The following BCL2 variants were observed in gnomAD, a reference collection of about 807,000 sequenced individuals.
The protein encoded by BCL2 is apoptosis regulator Bcl-2.
BCL2 carries 1 observed loss-of-function variant against 14.2 expected under a neutral mutation model. The observed-to-expected ratio is 0.07, with a 90% CI of 0.02 to 0.33. The LOEUF (loss-of-function observed/expected upper bound fraction) is 0.33, where lower values mean the gene tolerates loss of function less well. Among genes scored for constraint, BCL2 ranks in the 10% least tolerant of loss-of-function variants. BCL2 has a pLI of 0.99. For missense variants in BCL2, 247 were observed against 305.9 expected, an observed-to-expected ratio of 0.81 and a Z score of 1.44; for synonymous variants, 151 against 137.2, an observed-to-expected ratio of 1.10 and a Z score of -0.70.
At chr18:63,146,028 C>A (rs1326776275) in intron 2 of BCL2, among the ~76,000 whole-genome samples, 2 of 152,168 alleles carry the variant, frequency 1.3e-5, no homozygotes, top group Non-Finnish European at 2.9e-5. Context: ...TCCCAAATCC[C>A]TTTTCCCTGC....
intron 2 of BCL2, among the ~76,000 whole-genome samples, chr18:63,176,954 T>A (rs1260048679): frequency 6.6e-6 from 1 of 150,930 alleles, no homozygotes; most frequent in Non-Finnish European, 1.5e-5. Flanking sequence ...CTCACTCCCA[T>A]CTTCTGGGCT....
At chr18:63,235,923 A>C (rs1910817604) in intron 2 of BCL2, among the ~76,000 whole-genome samples, 1 of 152,086 alleles carries the variant, frequency 6.6e-6, no homozygotes, top group South Asian at 2.1e-4. Flanking sequence ...GATATCATGG[A>C]GTTTGTGTTC....
chr18:63,155,922 C>G (rs919435787), intron 2 of BCL2, among the ~76,000 whole-genome samples: 1 of 152,100 alleles, frequency 6.6e-6, no homozygotes, highest in Non-Finnish European at 1.5e-5. Flanking sequence ...GACCCTTCCC[C>G]GCCTCCCCAG....
rs970049963 is a variant in BCL2, at chr18:63,124,389, G to A, written c.*4236C>T. On this transcript the variant is annotated 3_prime_UTR_variant, in exon 3 of 3. Coordinates refer to ENST00000333681, the MANE Select transcript of BCL2 (RefSeq NM_000633.3). ...AATTTATACCATTGCACTGCCAAAC[G>A]GAGCTGCACTTTGAGCCATGCTGAT... is the stretch of plus-strand genomic sequence containing the variant. The A allele has an allele frequency of 2.2e-5, 5 of 231,148 alleles. No individual in the cohort carries two copies. Among genetic ancestry groups the A allele is most frequent in the East Asian group, 6.1e-5 (1 of 16,428 alleles). The allele number at this position is 231,148 out of a possible 1,614,324, so 14.3% of individuals were successfully genotyped here.
rs1287650958 is a variant in BCL2, at chr18:63,128,889, GGCAAAT to G, written c.586-136_586-131del. 10 of 582,732 alleles carry G rather than the reference GGCAAAT, an allele frequency of 1.7e-5. 1 individual carries two copies. The highest frequency in any genetic ancestry group is 1.7e-4 in the South Asian group (7 of 41,754). 36.1% of individuals were successfully genotyped at this position (582,732 alleles called of 1,614,324 possible). Reference sequence around the variant, plus strand: ...CCTTCAGAAGGGTGAGAGGGGAAAAGGCAAATGCTCTTTGGAGGCCATGATTCAGAA... The same window carrying G: ...CCTTCAGAAGGGTGAGAGGGGAAAAGGCTCTTTGGAGGCCATGATTCAGAA... On this transcript the variant is annotated intron_variant, in intron 2 of 2. Transcript: ENST00000333681.
intron 2 of BCL2, among the ~76,000 whole-genome samples, chr18:63,233,337 G>A (rs982802641): frequency 6.6e-6 from 1 of 152,162 alleles, no homozygotes; most frequent in Non-Finnish European, 1.5e-5. Context: ...AAGTGATAAA[G>A]CAAGTTCCAG....
intron 2 of BCL2, among the ~76,000 whole-genome samples, chr18:63,246,699 T>C (rs1911160615): frequency 6.6e-6 from 1 of 152,190 alleles, no homozygotes; most frequent in South Asian, 2.1e-4. Context: ...ACACCCTACG[T>C]TATCCATTTT....
chr18:63,272,013 C>T (rs1022933322), intron 2 of BCL2, among the ~76,000 whole-genome samples: 1 of 152,178 alleles, frequency 6.6e-6, no homozygotes, highest in African/African-American at 2.4e-5. Flanking sequence ...ACCACTTCCT[C>T]TTGTTTTCAA....
At chr18:63,252,792 C>T (rs141513141) in intron 2 of BCL2, among the ~76,000 whole-genome samples, 193 of 152,230 alleles carry the variant, frequency 1.3e-3, no homozygotes, top group Non-Finnish European at 2.1e-3. Flanking sequence ...TTATCAACAG[C>T]GTGAAAACAG....
At chr18:63,255,621 T>C (rs1911449288) in intron 2 of BCL2, among the ~76,000 whole-genome samples, 2 of 152,166 alleles carry the variant, frequency 1.3e-5, no homozygotes, top group African/African-American at 4.8e-5. Flanking sequence ...CACTTTGCAA[T>C]TGACCTGCTG....
At chr18:63,146,479 C>T (rs138107566) in intron 2 of BCL2, among the ~76,000 whole-genome samples, 24 of 152,356 alleles carry the variant, frequency 1.6e-4, no homozygotes, top group African/African-American at 5.3e-4. Context: ...CTGCGATCCA[C>T]GCTGGAGTCA....
chr18:63,138,106 G>C (rs1305476720), intron 2 of BCL2, among the ~76,000 whole-genome samples: 1 of 152,248 alleles, frequency 6.6e-6, no homozygotes, highest in Non-Finnish European at 1.5e-5. Context: ...AAGTGGGGTA[G>C]ACAGACACTT....
intron 2 of BCL2, among the ~76,000 whole-genome samples, chr18:63,154,724 G>C (rs931012806): frequency 1.6e-4 from 24 of 152,026 alleles, no homozygotes; most frequent in Non-Finnish European, 8.8e-5. Context: ...CCCCCTCAAG[G>C]CTCACCAGTG....
chr18:63,241,563 G>A (rs1425680968), intron 2 of BCL2, among the ~76,000 whole-genome samples: 4 of 152,172 alleles, frequency 2.6e-5, no homozygotes, highest in African/African-American at 9.7e-5. Flanking sequence ...CTGGGAAAGG[G>A]GAAGAAATGC....
chr18:63,167,921 G>A (rs1389555227), intron 2 of BCL2, among the ~76,000 whole-genome samples: 3 of 142,054 alleles, frequency 2.1e-5, no homozygotes, highest in Non-Finnish European at 4.5e-5. Context: ...GTGAGACTCC[G>A]TCTCAAAAAA....
At chr18:63,263,464 G>A (rs1412315617) in intron 2 of BCL2, among the ~76,000 whole-genome samples, 1 of 152,198 alleles carries the variant, frequency 6.6e-6, no homozygotes, top group Non-Finnish European at 1.5e-5. Context: ...GGGAGCAGGA[G>A]GGCTGATGAG....
intron 2 of BCL2, among the ~76,000 whole-genome samples, chr18:63,187,361 T>C (rs1915615182): frequency 6.6e-6 from 1 of 152,246 alleles, no homozygotes; most frequent in South Asian, 2.1e-4. Flanking sequence ...GGTCAGATGC[T>C]TGGGGACTCA....
At chr18:63,170,019 G>A (rs149560801) in intron 2 of BCL2, among the ~76,000 whole-genome samples, 12 of 152,256 alleles carry the variant, frequency 7.9e-5, no homozygotes, top group African/African-American at 2.2e-4. Flanking sequence ...TGATCAGTAT[G>A]TGGAAGGAAG....
At chr18:63,320,017 A>C (rs960562340), upstream of BCL2, 1 of 149,320 alleles carries the variant, frequency 6.7e-6, no homozygotes, top group African/African-American at 2.4e-5. Context: ...GAGGGCCCGG[A>C]GCCCCGGCAC....
Sources: gnomAD v4.1 joint callset for allele counts (sites outside exome capture counted in the v4.1 genomes callset) on GRCh38, gnomAD v4.1.1 for gene constraint, MANE v1.5 for transcripts, NCBI Gene and HGNC (gene_info 2026-07-23, HGNC 2026-07-21) for gene names.